DDX4: variants seen among roughly 807,000 people sequenced by gnomAD.
DDX4 encodes the protein probable ATP-dependent RNA helicase DDX4.
In DDX4, 25 loss-of-function variants were observed where a neutral mutation model predicts 100.0. The ratio of observed to expected loss-of-function variants is 0.25; its 90% CI spans 0.18 to 0.35. The LOEUF (loss-of-function observed/expected upper bound fraction) is 0.35, where lower values mean the gene tolerates loss of function less well. Among genes scored for constraint, DDX4 ranks in the 10% least tolerant of loss-of-function variants. The pLI is 1.00. For missense variants in DDX4, 635 were observed against 882.4 expected, an observed-to-expected ratio of 0.72 and a Z score of 3.55; for synonymous variants, 259 against 275.7, an observed-to-expected ratio of 0.94 and a Z score of 0.60.
At chr5:55,770,158 G>T (rs1741165917) in intron 7 of DDX4, among the ~76,000 whole-genome samples, 1 of 152,128 alleles carries the variant, frequency 6.6e-6, no homozygotes, top group South Asian at 2.1e-4. Context: ...GAGCCACTGT[G>T]CCTGTCCTTG....
intron 13 of DDX4, 57 bp from the exon 14 acceptor site, chr5:55,786,461 T>C: frequency 7.3e-7 from 1 of 1,376,074 alleles, no homozygotes; most frequent in Non-Finnish European, 1.0e-6. Flanking sequence ...AATATGCTTA[T>C]AAATGATCTG....
At chr5:55,815,286 T>C (rs1744331706) in intron 20 of DDX4, 27 bp from the exon 21 acceptor site, 3 of 1,601,394 alleles carry the variant, frequency 1.9e-6, no homozygotes, top group Non-Finnish European at 1.7e-6. Flanking sequence ...TACTTTATGT[T>C]GCATATGAAG....
chr5:55,755,585 T>C (rs984731985), intron 3 of DDX4, among the ~76,000 whole-genome samples: 1 of 152,188 alleles, frequency 6.6e-6, no homozygotes, highest in Non-Finnish European at 1.5e-5. Context: ...TCTTCTGTCA[T>C]GTCGTCCTCA....
chr5:55,780,971 C>T (rs143019162), intron 8 of DDX4, 95 bp from the exon 9 acceptor site: 9 of 1,082,648 alleles, frequency 8.3e-6, no homozygotes, highest in South Asian at 6.7e-5. Flanking sequence ...CATCTTTTAA[C>T]TTCTGATACC....
intron 18 of DDX4, among the ~76,000 whole-genome samples, chr5:55,807,773 A>G (rs900453398): frequency 6.6e-6 from 1 of 151,926 alleles, no homozygotes; most frequent in East Asian, 1.9e-4. Context: ...CTTCATTTCA[A>G]CTTTGGTGAA....
intron 3 of DDX4, among the ~76,000 whole-genome samples, chr5:55,759,308 TA>T (rs1760146299): frequency 6.6e-6 from 1 of 152,174 alleles, no homozygotes; most frequent in Non-Finnish European, 1.5e-5. Flanking sequence ...GTCACATTTT[TA>T]TCATATAATT....
chr5:55,787,071 T>C (rs1478675908), intron 14 of DDX4, among the ~76,000 whole-genome samples: 1 of 152,198 alleles, frequency 6.6e-6, no homozygotes, highest in Non-Finnish European at 1.5e-5. Context: ...TTCCTTAGTA[T>C]TCAGTGACCT....
At chr5:55,785,908 C>G in intron 13 of DDX4, 37 bp downstream of exon 13, 1 of 1,474,272 alleles carries the variant, frequency 6.8e-7, no homozygotes, top group Non-Finnish European at 9.5e-7. Flanking sequence ...AGCTATGTAG[C>G]ACACTTTGCC....
chr5:55,763,914 T>C, intron 5 of DDX4, 100 bp from the exon 6 acceptor site: 1 of 793,162 alleles, frequency 1.3e-6, no homozygotes, highest in Non-Finnish European at 2.2e-6. Flanking sequence ...TACAATTGTG[T>C]ATCGCTTATC....
At chr5:55,800,450 A>C (rs1305723664) in intron 18 of DDX4, among the ~76,000 whole-genome samples, 1 of 151,474 alleles carries the variant, frequency 6.6e-6, no homozygotes, top group East Asian at 1.9e-4. Context: ...CAGCCTCCTG[A>C]GTAGCTGGGA....
chr5:55,813,571 TGG>T, intron 18 of DDX4, 100 bp from the exon 19 acceptor site: 1 of 1,410,976 alleles, frequency 7.1e-7, no homozygotes, highest in South Asian at 1.8e-5. Flanking sequence ...GTAAATACAG[TGG>T]TGGACAAAGT....
chr5:55,758,086 G>A (rs535576360), intron 3 of DDX4, among the ~76,000 whole-genome samples: 2 of 152,102 alleles, frequency 1.3e-5, no homozygotes, highest in East Asian at 3.9e-4. Flanking sequence ...CATTTGGGTT[G>A]TTTCCTTTTT....
At position 55,781,065 on chromosome 5, in the gene DDX4, GATA is replaced by G; in HGVS notation, c.499_501del (p.Asn167del). On this transcript the variant is annotated inframe_deletion and splice_region_variant, in exon 9 of 22. Transcript: ENST00000505374. ...TCTAATTTTACTTTCTGCAAATCAA[GATA>G]ATGACTTAGACCCAGACGAATGTAT... 2.5e-6 allele frequency: 4 copies of G among 1,601,660 alleles called. No homozygotes were observed. The highest frequency in any genetic ancestry group is 3.4e-6 in the Non-Finnish European group (4 of 1,176,722).
chr5:55,743,362 C>G (rs893225596), intron 2 of DDX4, among the ~76,000 whole-genome samples: 2 of 152,108 alleles, frequency 1.3e-5, no homozygotes, highest in African/African-American at 2.4e-5. Flanking sequence ...GGACTCATGC[C>G]GATAATCCAG....
chr5:55,815,211 C>A (rs1475202191), intron 20 of DDX4, 40 bp downstream of exon 20: 1 of 1,604,500 alleles, frequency 6.2e-7, no homozygotes, highest in Non-Finnish European at 8.5e-7. Context: ...AGTTTTCTTA[C>A]TTTGTTGTTG....
At chr5:55,785,386 A>G in intron 11 of DDX4, 42 bp downstream of exon 11, 1 of 1,584,388 alleles carries the variant, frequency 6.3e-7, no homozygotes, top group Non-Finnish European at 8.7e-7. Flanking sequence ...TTATAGTGAG[A>G]GTTCTTTTAC....
Position 55,815,030 on chromosome 5 carries a change from T to G in DDX4, c.1845T>G (p.Phe615Leu). ...AAAATGTGCAACATGTTATCAATTT[T>G]GATCTTCCTTCTACCATTGATGAAT... ...DIENVQHVIN[F>L]DLPSTIDEYV... The change falls in exon 20 of 22, where the codon TTT becomes TTG. Residue 615 changes from phenylalanine (F) to leucine (L), a missense_variant. Coordinates refer to ENST00000505374, the MANE Select transcript of DDX4 (RefSeq NM_024415.3). The G allele has an allele frequency of 6.2e-7, 1 of 1,614,208 alleles. No homozygotes were observed. The highest frequency in any genetic ancestry group is 8.5e-7 in the Non-Finnish European group (1 of 1,180,002).
chr5:55,762,901 T>A (rs1740652346), intron 4 of DDX4, among the ~76,000 whole-genome samples: 1 of 152,184 alleles, frequency 6.6e-6, no homozygotes, highest in Admixed American at 6.5e-5. Flanking sequence ...TAGAAAACTA[T>A]GGAGCAGAAT....
chr5:55,760,387 G>C, intron 4 of DDX4, 110 bp downstream of exon 4: 1 of 1,105,978 alleles, frequency 9.0e-7, no homozygotes. Flanking sequence ...TCAGTGTGTA[G>C]TAGACTTGGT....
Sources: allele counts gnomAD v4.1 joint callset (sites outside exome capture counted in the v4.1 genomes callset), GRCh38; gene constraint gnomAD v4.1.1; transcripts MANE v1.5; gene names NCBI Gene and HGNC (gene_info 2026-07-23, HGNC 2026-07-21).